Variants in TENM4 observed in about 807,000 individuals in gnomAD.
The protein encoded by TENM4 is teneurin transmembrane protein 4.
Under a neutral mutation model 243.3 loss-of-function variants are expected in TENM4, and 82 were observed. The observed-to-expected ratio is 0.34, with a 90% CI of 0.28 to 0.40. TENM4 has a LOEUF of 0.40. TENM4 is among the 10% of genes least tolerant of loss of function. The pLI is 1.00. For missense variants in TENM4, 3,138 were observed against 3,673.3 expected (o/e 0.85, Z 3.77); for synonymous variants, 1,412 against 1,456.3 (o/e 0.97, Z 0.69).
chr11:79,195,684 G>C (rs1824918603), intron 3 of TENM4, among the ~76,000 whole-genome samples: 1 of 152,258 alleles, frequency 6.6e-6, no homozygotes, highest in East Asian at 1.9e-4. Context: ...GAAGTAACTA[G>C]CTTGCTTTTG....
At chr11:78,923,033 AC>A (rs1856478586) in intron 6 of TENM4, among the ~76,000 whole-genome samples, 1 of 152,126 alleles carries the variant, frequency 6.6e-6, no homozygotes, top group African/African-American at 2.4e-5. Context: ...TGAATCAAGC[AC>A]AGAGGGCACA....
At chr11:79,270,782 G>A (rs549198) in intron 2 of TENM4, among the ~76,000 whole-genome samples, 109,912 of 152,030 alleles carry the variant, frequency 0.72, 40,400 homozygotes, top group African/African-American at 0.85. Flanking sequence ...CTGCCTCTCT[G>A]TGTTTCCCTT....
At chr11:79,178,833 C>T (rs997924353) in intron 3 of TENM4, among the ~76,000 whole-genome samples, 1 of 152,208 alleles carries the variant, frequency 6.6e-6, no homozygotes, top group Non-Finnish European at 1.5e-5. Flanking sequence ...CCATCACCCC[C>T]ATGAAGCCAC....
At chr11:79,318,339 C>T (rs2135424085) in intron 1 of TENM4, among the ~76,000 whole-genome samples, 1 of 152,308 alleles carries the variant, frequency 6.6e-6, no homozygotes. Flanking sequence ...GGAAGAGACA[C>T]ATTTCAGCTC....
chr11:79,054,789 T>C (rs996282537), intron 6 of TENM4, among the ~76,000 whole-genome samples: 3 of 152,098 alleles, frequency 2.0e-5, no homozygotes, highest in Non-Finnish European at 4.4e-5. Flanking sequence ...AAACCTATAA[T>C]AATAAATATA....
In TENM4 at chr11:78,966,193, T is replaced by TA. The variant is rs34603312; in HGVS notation, c.494-62671dup. Among the ~76,000 whole-genome samples, 773 of 131,590 alleles carry TA rather than the reference T, an allele frequency of 5.9e-3. 6 individuals carry two copies. Among genetic ancestry groups the TA allele is most frequent in the African/African-American group, 0.016 (577 of 35,856 alleles). 86.3% of individuals were successfully genotyped at this position (131,590 alleles called of 152,430 possible). On this transcript the variant is annotated intron_variant, in intron 6 of 33. Coordinates refer to ENST00000278550, the MANE Select transcript of TENM4 (RefSeq NM_001098816.3). ...TTTCTACACCTTTATAAAGGAAAATTAAAAAAAAAAAAAAAAAAGAAAGAA... is the reference window on the plus strand; with the variant it reads ...TTTCTACACCTTTATAAAGGAAAATTAAAAAAAAAAAAAAAAAAAGAAAGAA...
intron 32 of TENM4, among the ~76,000 whole-genome samples, chr11:78,663,079 G>A (rs1352042874): frequency 1.3e-5 from 2 of 152,220 alleles, no homozygotes; most frequent in African/African-American, 2.4e-5. Flanking sequence ...AGCAAGAAGA[G>A]CTTCAGATGG....
intron 1 of TENM4, among the ~76,000 whole-genome samples, chr11:79,407,365 CA>C (rs758422749): frequency 7.4e-4 from 113 of 152,200 alleles, no homozygotes; most frequent in Non-Finnish European, 1.4e-3. Context: ...TAATAGCTAA[CA>C]AGCAAACCAA....
chr11:78,879,615 C>A (rs1859374557), intron 9 of TENM4, among the ~76,000 whole-genome samples: 1 of 141,084 alleles, frequency 7.1e-6, no homozygotes, highest in South Asian at 2.4e-4. Context: ...CTCTGCCCGG[C>A]CGCCCCGTCT....
At chr11:78,762,546 T>C (rs1856453279) in intron 18 of TENM4, among the ~76,000 whole-genome samples, 2 of 152,234 alleles carry the variant, frequency 1.3e-5, no homozygotes, top group African/African-American at 4.8e-5. Flanking sequence ...ACTCCATGCT[T>C]CCCAGGTGGG....
intron 4 of TENM4, among the ~76,000 whole-genome samples, chr11:79,137,910 C>A (rs770445904): frequency 1.3e-5 from 2 of 151,926 alleles, no homozygotes; most frequent in Admixed American, 1.3e-4. Context: ...TTCAGGTTGA[C>A]AAGGGGTGGA....
chr11:79,310,984 T>G (rs187756547), intron 1 of TENM4, among the ~76,000 whole-genome samples: 1 of 152,312 alleles, frequency 6.6e-6, no homozygotes, highest in Admixed American at 6.5e-5. Context: ...CCTAGAAAAC[T>G]TTGGTTTAGA....
intron 3 of TENM4, among the ~76,000 whole-genome samples, chr11:79,196,271 C>T (rs981533769): frequency 6.6e-6 from 1 of 152,070 alleles, no homozygotes; most frequent in African/African-American, 2.4e-5. Flanking sequence ...CTGAGCCCAA[C>T]AGGCCTGGCT....
At chr11:79,053,735 A>C (rs1422768119) in intron 6 of TENM4, among the ~76,000 whole-genome samples, 1 of 152,170 alleles carries the variant, frequency 6.6e-6, no homozygotes, top group East Asian at 1.9e-4. Flanking sequence ...GCTCTTCCTG[A>C]AAGAGATATT....
chr11:79,411,047 C>G (rs1186477431), intron 1 of TENM4, among the ~76,000 whole-genome samples: 1 of 152,190 alleles, frequency 6.6e-6, no homozygotes, highest in Non-Finnish European at 1.5e-5. Context: ...CTTGTACTTT[C>G]TGCTTCCATG....
At chr11:79,164,632 C>T (rs1325746921) in intron 3 of TENM4, among the ~76,000 whole-genome samples, 2 of 145,428 alleles carry the variant, frequency 1.4e-5, no homozygotes, top group Admixed American at 1.4e-4. Context: ...ACCCAAATCT[C>T]AACTTGACTT....
intron 3 of TENM4, among the ~76,000 whole-genome samples, chr11:79,188,677 G>A (rs1863420327): frequency 6.6e-6 from 1 of 151,196 alleles, no homozygotes; most frequent in Admixed American, 6.6e-5. Flanking sequence ...TGGGGATGGG[G>A]AAGAGGAGAA....
chr11:79,295,345 G>T (rs748657756), intron 2 of TENM4, among the ~76,000 whole-genome samples: 2 of 152,152 alleles, frequency 1.3e-5, no homozygotes, highest in African/African-American at 2.4e-5. Context: ...ACAGAGCTTC[G>T]CCTCCTCCCA....
At chr11:79,131,311 T>C (rs1861998891) in intron 4 of TENM4, among the ~76,000 whole-genome samples, 1 of 152,176 alleles carries the variant, frequency 6.6e-6, no homozygotes, top group Admixed American at 6.5e-5. Flanking sequence ...GGAAAATCTA[T>C]CAGAGTAACA....
Sources: gnomAD v4.1 joint callset for allele counts (sites outside exome capture counted in the v4.1 genomes callset) on GRCh38, gnomAD v4.1.1 for gene constraint, MANE v1.5 for transcripts, NCBI Gene and HGNC (gene_info 2026-07-23, HGNC 2026-07-21) for gene names.